The following PIP5K1B variants were observed in gnomAD, a reference collection of about 807,000 sequenced individuals.
PIP5K1B encodes phosphatidylinositol 4-phosphate 5-kinase type-1 beta.
In PIP5K1B, 42 loss-of-function variants were observed where a neutral mutation model predicts 67.0. The observed-to-expected ratio is 0.63, with a 90% CI of 0.49 to 0.81. The LOEUF (loss-of-function observed/expected upper bound fraction) is 0.81. PIP5K1B is among the 30% of genes least tolerant of loss of function. The probability of loss-of-function intolerance (pLI) is 0.00; values close to 1 mark genes in which losing one functional copy is unlikely to be tolerated. For synonymous variants in PIP5K1B, 214 were observed against 231.4 expected (o/e 0.92, Z 0.68); for missense variants, 459 against 646.3 (o/e 0.71, Z 3.14).
At chr9:68,896,563 C>A (rs937884809) in intron 8 of PIP5K1B, among the ~76,000 whole-genome samples, 1 of 152,136 alleles carries the variant, frequency 6.6e-6, no homozygotes, top group African/African-American at 2.4e-5. Flanking sequence ...AGGCTAACTC[C>A]CTCTTACTCA....
intron 4 of PIP5K1B, among the ~76,000 whole-genome samples, chr9:68,843,909 G>A (rs1227927136): frequency 2.6e-5 from 4 of 152,226 alleles, no homozygotes; most frequent in Non-Finnish European, 5.9e-5. Context: ...GCCAACATGG[G>A]CCTGGGAAGA....
At chr9:68,934,254 C>A (rs762418634) in intron 12 of PIP5K1B, among the ~76,000 whole-genome samples, 1 of 152,218 alleles carries the variant, frequency 6.6e-6, no homozygotes, top group Non-Finnish European at 1.5e-5. Context: ...TCCCAACACA[C>A]TTCTGAAGTT....
intron 1 of PIP5K1B, among the ~76,000 whole-genome samples, chr9:68,732,108 A>G (rs1828466270): frequency 6.6e-6 from 1 of 152,170 alleles, no homozygotes; most frequent in East Asian, 1.9e-4. Flanking sequence ...CACTCCTGAA[A>G]TTCTTACTGT....
chr9:68,853,248 A>G (rs1010156064), intron 4 of PIP5K1B, among the ~76,000 whole-genome samples: 3 of 152,222 alleles, frequency 2.0e-5, no homozygotes, highest in African/African-American at 7.2e-5. Flanking sequence ...AAGCATAATC[A>G]TATTCCAAGT....
intron 2 of PIP5K1B, among the ~76,000 whole-genome samples, chr9:68,816,219 C>T (rs1414335215): frequency 6.6e-6 from 1 of 152,112 alleles, no homozygotes; most frequent in Non-Finnish European, 1.5e-5. Flanking sequence ...TCCTCTGCCT[C>T]CCAGGTTCAA....
rs981194845 is a variant in PIP5K1B, at chr9:68,856,397, G to A, written c.70-7440G>A. Reference sequence around the variant, plus strand: ...CTTTATGTCCCCAGTTTGTACAAAGGACACAGCCAGTCTTTGTTGACACGA... The same window carrying A: ...CTTTATGTCCCCAGTTTGTACAAAGAACACAGCCAGTCTTTGTTGACACGA... On this transcript the variant is annotated intron_variant, in intron 4 of 15. Coordinates refer to ENST00000265382, the MANE Select transcript of PIP5K1B (RefSeq NM_003558.4). 4.6e-5 allele frequency among the ~76,000 whole-genome samples: 7 copies of A among 152,186 alleles called. No individual in the cohort carries two copies. The East Asian group carries it at 1.4e-3, about 29-fold the overall frequency.
chr9:68,965,925 G>C (rs1213943149), intron 14 of PIP5K1B, among the ~76,000 whole-genome samples: 1 of 144,028 alleles, frequency 6.9e-6, no homozygotes, highest in African/African-American at 2.6e-5. Flanking sequence ...AGTGAGCTGA[G>C]ATTGTGCCAC....
At chr9:68,755,865 G>A (rs529485133) in intron 2 of PIP5K1B, among the ~76,000 whole-genome samples, 2 of 152,212 alleles carry the variant, frequency 1.3e-5, no homozygotes, top group African/African-American at 4.8e-5. Flanking sequence ...ATTGATCCAG[G>A]TGTCCTCAGA....
chr9:68,811,519 C>T (rs1422821638), intron 2 of PIP5K1B, among the ~76,000 whole-genome samples: 1 of 152,150 alleles, frequency 6.6e-6, no homozygotes, highest in African/African-American at 2.4e-5. Context: ...TAGTGACTGT[C>T]TTCTCCATGC....
At position 68,995,832 on chromosome 9, in the gene PIP5K1B, A is replaced by G. The variant is rs1375999459; in HGVS notation, c.1620+4575A>G. Reference sequence around the variant, plus strand: ...AAAAAAAAAAAAAAAGGAAGAAAGAAAATGGAAAAGAAAAGCACAAGAAAG... The same window carrying G: ...AAAAAAAAAAAAAAAGGAAGAAAGAGAATGGAAAAGAAAAGCACAAGAAAG... On this transcript the variant is annotated intron_variant, in intron 15 of 15. Transcript: ENST00000265382. Among the ~76,000 whole-genome samples, 5 of 152,056 alleles carry G rather than the reference A, an allele frequency of 3.3e-5. No homozygotes were observed. The South Asian group carries it at 6.2e-4, about 19-fold the overall frequency.
chr9:69,002,027 C>T (rs1017743236), intron 15 of PIP5K1B, among the ~76,000 whole-genome samples: 6 of 152,172 alleles, frequency 3.9e-5, no homozygotes, highest in African/African-American at 7.2e-5. Flanking sequence ...GTGTCAGCTG[C>T]GTCTTGGGTC....
chr9:68,971,020 A>AAATAAAT (rs1829337261), intron 14 of PIP5K1B, among the ~76,000 whole-genome samples: 1 of 152,074 alleles, frequency 6.6e-6, no homozygotes, highest in South Asian at 2.1e-4. Flanking sequence ...ATTTTATTAT[A>AAATAAAT]CTTTAAGTTC....
chr9:68,729,121 A>G (rs1828291076), intron 1 of PIP5K1B, among the ~76,000 whole-genome samples: 1 of 152,200 alleles, frequency 6.6e-6, no homozygotes, highest in African/African-American at 2.4e-5. Flanking sequence ...TCTTAGCTCT[A>G]AAGTAATAAT....
intron 1 of PIP5K1B, among the ~76,000 whole-genome samples, chr9:68,732,381 T>G (rs1487787836): frequency 1.3e-5 from 2 of 152,234 alleles, no homozygotes; most frequent in African/African-American, 4.8e-5. Flanking sequence ...ATAGCACTAT[T>G]CAAGAGTATC....
intron 1 of PIP5K1B, among the ~76,000 whole-genome samples, chr9:68,737,415 T>A (rs761809628): frequency 2.6e-5 from 4 of 152,224 alleles, no homozygotes; most frequent in Non-Finnish European, 4.4e-5. Context: ...AAGGCTAGCA[T>A]GAATAGATGA....
At chr9:68,865,882 A>C (rs1219717535) in intron 5 of PIP5K1B, among the ~76,000 whole-genome samples, 1 of 152,212 alleles carries the variant, frequency 6.6e-6, no homozygotes, top group Non-Finnish European at 1.5e-5. Context: ...ATGACTTTCC[A>C]CTTGAGAGAG....
chr9:68,812,805 A>T (rs1833239164), intron 2 of PIP5K1B, among the ~76,000 whole-genome samples: 1 of 152,252 alleles, frequency 6.6e-6, no homozygotes, highest in Non-Finnish European at 1.5e-5. Context: ...TTGTGGTTTA[A>T]GTCAGGTTAT....
intron 13 of PIP5K1B, 67 bp from the exon 14 acceptor site, chr9:68,940,579 T>C: frequency 2.1e-6 from 3 of 1,423,488 alleles, no homozygotes; most frequent in South Asian, 1.4e-5. Flanking sequence ...TCATTTCAAT[T>C]ATTATAGATA....
intron 2 of PIP5K1B, among the ~76,000 whole-genome samples, chr9:68,800,856 C>T (rs1428507303): frequency 6.6e-6 from 1 of 152,190 alleles, no homozygotes; most frequent in Non-Finnish European, 1.5e-5. Context: ...TCCAAATTCT[C>T]CATGACTGTT....
Sources: gnomAD v4.1 joint callset for allele counts (sites outside exome capture counted in the v4.1 genomes callset) on GRCh38, gnomAD v4.1.1 for gene constraint, MANE v1.5 for transcripts, NCBI Gene and HGNC (gene_info 2026-07-23, HGNC 2026-07-21) for gene names.